The following ROBO1 variants were observed in gnomAD, a reference collection of about 807,000 sequenced individuals.
ROBO1 encodes roundabout homolog 1.
ROBO1 carries 149 observed loss-of-function variants against 195.9 expected under a neutral mutation model. That is an observed-to-expected ratio of 0.76 (90% confidence interval 0.67 to 0.87). ROBO1 has a LOEUF of 0.87. Among genes scored for constraint, ROBO1 ranks in the 40% least tolerant of loss-of-function variants. The probability of loss-of-function intolerance (pLI) is 0.00; values close to 1 mark genes in which losing one functional copy is unlikely to be tolerated. For missense variants in ROBO1, 1,933 were observed against 2,068.3 expected (o/e 0.93, Z 1.27); for synonymous variants, 816 against 733.2 (o/e 1.11, Z -1.82).
At chr3:79,725,225 T>A (rs1216628953) in intron 1 of ROBO1, among the ~76,000 whole-genome samples, 2 of 133,782 alleles carry the variant, frequency 1.5e-5, no homozygotes, top group African/African-American at 6.2e-5. Context: ...CTCTTCTTCT[T>A]TTTTTTTTTT....
intron 3 of ROBO1, among the ~76,000 whole-genome samples, chr3:78,955,830 A>C (rs2041023061): frequency 6.6e-6 from 1 of 152,160 alleles, no homozygotes; most frequent in Non-Finnish European, 1.5e-5. Flanking sequence ...TTACTGAGAA[A>C]TCCCTATAGG....
intron 27 of ROBO1, among the ~76,000 whole-genome samples, chr3:78,615,131 A>G (rs1354628946): frequency 6.6e-6 from 1 of 152,260 alleles, no homozygotes; most frequent in African/African-American, 2.4e-5. Flanking sequence ...ATACTTAAAC[A>G]AAAAATAGTA....
chr3:79,019,912 G>C (rs940299126), intron 3 of ROBO1, among the ~76,000 whole-genome samples: 1 of 152,086 alleles, frequency 6.6e-6, no homozygotes, highest in Admixed American at 6.6e-5. Context: ...GAGGTAAACA[G>C]AGAACTATCC....
intron 2 of ROBO1, among the ~76,000 whole-genome samples, chr3:79,146,120 T>C (rs1036264793): frequency 1.3e-5 from 2 of 151,848 alleles, no homozygotes; most frequent in Non-Finnish European, 2.9e-5. Context: ...ATAATGGACA[T>C]TTATTTCAAA....
At chr3:79,622,098 CCA>C (rs1355262908) in intron 1 of ROBO1, among the ~76,000 whole-genome samples, 1 of 152,068 alleles carries the variant, frequency 6.6e-6, no homozygotes, top group African/African-American at 2.4e-5. Context: ...CACCTGAAAG[CCA>C]CAGAGGGCAG....
chr3:79,625,423 G>GAAAAAAAAAAAAAAAAGA (rs1945137993), intron 1 of ROBO1, among the ~76,000 whole-genome samples: 1 of 13,876 alleles, frequency 7.2e-5, no homozygotes, highest in Non-Finnish European at 1.3e-4. Context: ...TGTTTTTTTT[G>GAAAAAAAAAAAAAAAAGA]AAAAAAAAAA....
chr3:79,066,949 C>A (rs894484978), intron 3 of ROBO1, among the ~76,000 whole-genome samples: 2 of 151,814 alleles, frequency 1.3e-5, no homozygotes, highest in Non-Finnish European at 2.9e-5. Context: ...GGTACAGGAG[C>A]AGTAACAACT....
intron 4 of ROBO1, among the ~76,000 whole-genome samples, chr3:78,870,650 A>G (rs9818374): frequency 0.043 from 6,610 of 152,254 alleles, 428 homozygotes; most frequent in African/African-American, 0.14. Context: ...CTCTGTAAAC[A>G]GGAATCATGG....
chr3:79,519,646 A>AGG (rs1553757507), intron 2 of ROBO1, among the ~76,000 whole-genome samples: 1 of 149,122 alleles, frequency 6.7e-6, no homozygotes, highest in African/African-American at 2.5e-5. Flanking sequence ...AAAAAAAAAA[A>AGG]AAAGAAAAGA....
At chr3:79,377,992 C>T (rs2036441836) in intron 2 of ROBO1, among the ~76,000 whole-genome samples, 1 of 152,166 alleles carries the variant, frequency 6.6e-6, no homozygotes, top group South Asian at 2.1e-4. Context: ...CATGTTCTTG[C>T]TCATGCAAGT....
At position 78,714,633 on chromosome 3, in the gene ROBO1, TAAAAC is replaced by T. The variant is rs1271253715; in HGVS notation, c.918-114_918-110del. 8.9e-6 allele frequency: 9 copies of T among 1,010,298 alleles called. No individual in the cohort carries two copies. In the South Asian group the frequency reaches 1.0e-4, roughly 12 times the overall value. The allele number at this position is 1,010,298 out of a possible 1,614,324, so 62.6% of individuals were successfully genotyped here. ...CATGCTACATTCTTTTCTGATAACT[TAAAAC>T]AAAGAGTAAAACATGGTATTCCTCT... On this transcript the variant is annotated intron_variant, in intron 7 of 30. Coordinates refer to ENST00000464233, the MANE Select transcript of ROBO1 (RefSeq NM_002941.4).
At chr3:79,526,819 CAAAT>C (rs1174193654) in intron 2 of ROBO1, among the ~76,000 whole-genome samples, 3 of 151,962 alleles carry the variant, frequency 2.0e-5, no homozygotes, top group Non-Finnish European at 4.4e-5. Context: ...TTCTAAGAGA[CAAAT>C]AAATTTAGAA....
intron 1 of ROBO1, among the ~76,000 whole-genome samples, chr3:79,612,125 C>A (rs1249397662): frequency 3.3e-5 from 5 of 150,558 alleles, no homozygotes; most frequent in South Asian, 4.2e-4. Context: ...GTGCGCTGCA[C>A]CCACTAACTC....
intron 4 of ROBO1, among the ~76,000 whole-genome samples, chr3:78,892,540 GT>G (rs1290076553): frequency 6.6e-6 from 1 of 152,150 alleles, no homozygotes; most frequent in Non-Finnish European, 1.5e-5. Flanking sequence ...TCTTTACAAA[GT>G]GTTTAGCACA....
At chr3:79,442,313 G>A (rs1467116547) in intron 2 of ROBO1, among the ~76,000 whole-genome samples, 1 of 152,028 alleles carries the variant, frequency 6.6e-6, no homozygotes, top group Non-Finnish European at 1.5e-5. Context: ...TGTGCTTATT[G>A]TGGTGGTAAT....
At chr3:78,947,354 T>A (rs1446009715) in intron 3 of ROBO1, among the ~76,000 whole-genome samples, 1 of 152,102 alleles carries the variant, frequency 6.6e-6, no homozygotes, top group Non-Finnish European at 1.5e-5. Flanking sequence ...AAACTAGAAC[T>A]CAGGATTAAG....
intron 1 of ROBO1, among the ~76,000 whole-genome samples, chr3:79,702,029 G>A (rs1487021205): frequency 6.6e-6 from 1 of 151,454 alleles, no homozygotes; most frequent in Admixed American, 6.6e-5. Context: ...TCACACCACT[G>A]CTGTTGGCAT....
At chr3:78,710,391 T>A (rs1410240970) in intron 8 of ROBO1, among the ~76,000 whole-genome samples, 1 of 152,240 alleles carries the variant, frequency 6.6e-6, no homozygotes, top group Non-Finnish European at 1.5e-5. Flanking sequence ...TAAATTGTCA[T>A]GACAATATTA....
intron 2 of ROBO1, among the ~76,000 whole-genome samples, chr3:79,551,983 A>T (rs1185727793): frequency 3.6e-4 from 15 of 41,344 alleles, no homozygotes; most frequent in African/African-American, 1.7e-3. Flanking sequence ...ACAGAGTTAA[A>T]AAAAAAAAAA....
Sources: gnomAD v4.1 joint callset for allele counts (sites outside exome capture counted in the v4.1 genomes callset) on GRCh38, gnomAD v4.1.1 for gene constraint, MANE v1.5 for transcripts, NCBI Gene and HGNC (gene_info 2026-07-23, HGNC 2026-07-21) for gene names.